Variants in NRXN3 observed in about 807,000 individuals in gnomAD.
NRXN3 encodes the protein neurexin III.
Under a neutral mutation model 137.6 loss-of-function variants are expected in NRXN3, and 32 were observed. That is an observed-to-expected ratio of 0.23 (90% CI 0.18 to 0.31). NRXN3 has a LOEUF of 0.31. NRXN3 is among the 10% of genes least tolerant of loss of function. The pLI, the probability that NRXN3 is intolerant of heterozygous loss-of-function variation, is 1.00. For synonymous variants in NRXN3, 798 were observed against 784.5 expected, an observed-to-expected ratio of 1.02 and a Z score of -0.29; for missense variants, 1,574 against 2,062.5, an observed-to-expected ratio of 0.76 and a Z score of 4.59.
chr14:79,821,399 A>G (rs899455525), intron 20 of NRXN3, among the ~76,000 whole-genome samples: 1 of 152,194 alleles, frequency 6.6e-6, no homozygotes, highest in East Asian at 1.9e-4. Context: ...AGTCATGGGA[A>G]CTCTGAACTG....
chr14:78,294,601 C>A (rs2153522289), intron 3 of NRXN3, among the ~76,000 whole-genome samples: 1 of 149,922 alleles, frequency 6.7e-6, no homozygotes, highest in East Asian at 2.0e-4. Context: ...TATGTGTAGG[C>A]ACAAATTTGT....
chr14:78,192,107 T>TGA (rs3220428), intron 1 of NRXN3, among the ~76,000 whole-genome samples: 1,638 of 140,382 alleles, frequency 0.012, 18 homozygotes, highest in Middle Eastern at 0.018. Flanking sequence ...TGTGTGTGTG[T>TGA]GAGAGAGAGA....
At chr14:78,888,991 G>A (rs1567618463) in intron 10 of NRXN3, among the ~76,000 whole-genome samples, 1 of 151,888 alleles carries the variant, frequency 6.6e-6, no homozygotes, top group African/African-American at 2.4e-5. Flanking sequence ...TATAAGATGG[G>A]AGATATCTTA....
intron 15 of NRXN3, among the ~76,000 whole-genome samples, chr14:79,193,427 A>G (rs1011224429): frequency 1.3e-5 from 2 of 152,242 alleles, no homozygotes; most frequent in Admixed American, 1.3e-4. Flanking sequence ...AACAAACAAG[A>G]TAGTGTCTTG....
chr14:79,728,501 T>A (rs1039514711), intron 19 of NRXN3, among the ~76,000 whole-genome samples: 4 of 152,212 alleles, frequency 2.6e-5, no homozygotes, highest in Non-Finnish European at 5.9e-5. Context: ...CAACCCTTTA[T>A]GCAAGCAGTG....
chr14:78,913,274 CTTTT>C (rs1157942892), intron 10 of NRXN3, among the ~76,000 whole-genome samples: 8 of 47,852 alleles, frequency 1.7e-4, no homozygotes, highest in African/African-American at 4.0e-4. Context: ...TTCTTTCTTT[CTTTT>C]TTTTTTTTTT....
At chr14:78,466,301 C>T (rs1599027699) in intron 4 of NRXN3, among the ~76,000 whole-genome samples, 1 of 152,202 alleles carries the variant, frequency 6.6e-6, no homozygotes, top group East Asian at 1.9e-4. Context: ...TTAAGAAGTT[C>T]TCATAATGTA....
At chr14:78,226,741 TA>T (rs982879599) in intron 1 of NRXN3, among the ~76,000 whole-genome samples, 1 of 151,670 alleles carries the variant, frequency 6.6e-6, no homozygotes, top group Non-Finnish European at 1.5e-5. Context: ...ACTTTTTAAT[TA>T]AAAAAAAACT....
chr14:79,751,933 T>C (rs1171459708), intron 19 of NRXN3, among the ~76,000 whole-genome samples: 6 of 152,134 alleles, frequency 3.9e-5, no homozygotes, highest in Admixed American at 3.9e-4. Context: ...CACTCGATCA[T>C]GGTGGATAAG....
At chr14:79,004,138 G>T (rs555613981) in intron 15 of NRXN3, among the ~76,000 whole-genome samples, 1 of 152,296 alleles carries the variant, frequency 6.6e-6, no homozygotes, top group East Asian at 1.9e-4. Flanking sequence ...TAAACTGATT[G>T]CCAAGGGTCC....
intron 16 of NRXN3, among the ~76,000 whole-genome samples, chr14:79,658,912 G>A (rs142166697): frequency 7.0e-4 from 107 of 152,234 alleles, no homozygotes; most frequent in Non-Finnish European, 1.3e-3. Context: ...GATGCATTCC[G>A]TCTTCCCCAG....
intron 6 of NRXN3, among the ~76,000 whole-genome samples, chr14:78,694,179 A>C (rs1336533630): frequency 6.6e-6 from 1 of 151,988 alleles, no homozygotes; most frequent in African/African-American, 2.4e-5. Context: ...TTTATCATGC[A>C]AATTGCTCAT....
chr14:78,574,118 A>G (rs2096914435), intron 4 of NRXN3, among the ~76,000 whole-genome samples: 1 of 152,216 alleles, frequency 6.6e-6, no homozygotes, highest in Admixed American at 6.5e-5. Flanking sequence ...GGGTGCACAG[A>G]AGTCAAGAAT....
intron 15 of NRXN3, among the ~76,000 whole-genome samples, chr14:79,191,851 G>A (rs1047214368): frequency 5.9e-5 from 9 of 151,972 alleles, no homozygotes; most frequent in Non-Finnish European, 1.2e-4. Context: ...TTCCACTGGC[G>A]ATGAGTAAGC....
chr14:79,416,846 C>T (rs1040417553), intron 15 of NRXN3, among the ~76,000 whole-genome samples: 5 of 152,064 alleles, frequency 3.3e-5, no homozygotes, highest in Non-Finnish European at 5.9e-5. Context: ...CCTTGGTTGG[C>T]AATTGAATGG....
intron 6 of NRXN3, among the ~76,000 whole-genome samples, chr14:78,700,793 TTTC>T (rs2098270680): frequency 6.6e-6 from 1 of 152,132 alleles, no homozygotes; most frequent in Non-Finnish European, 1.5e-5. Flanking sequence ...TCTTTCTTTC[TTTC>T]TTTTTTTTTG....
In NRXN3 at chr14:79,060,387, C is replaced by T. The variant is rs527724023; in HGVS notation, c.3262+72246C>T. ...GTGTCTTCTATACTTATATCTGCAG[C>T]TTAGCACAGTTCCTGCCCTATGGTA... On this transcript the variant is annotated intron_variant, in intron 15 of 20. Coordinates refer to ENST00000335750, the MANE Select transcript of NRXN3 (RefSeq NM_001330195.2). 4.6e-5 allele frequency among the ~76,000 whole-genome samples: 7 copies of T among 152,318 alleles called. No individual in the cohort carries two copies. In the South Asian group the frequency reaches 1.4e-3, roughly 32 times the overall value.
chr14:79,661,185 G>A (rs916996936), intron 16 of NRXN3, among the ~76,000 whole-genome samples: 2 of 152,112 alleles, frequency 1.3e-5, no homozygotes, highest in African/African-American at 2.4e-5. Flanking sequence ...GTAGATAGCG[G>A]TTTCAACAAA....
chr14:78,639,320 A>G (rs1283703631), intron 4 of NRXN3, among the ~76,000 whole-genome samples: 2 of 152,336 alleles, frequency 1.3e-5, no homozygotes, highest in East Asian at 3.9e-4. Context: ...TACAATGAGA[A>G]CAATTTCGCT....
Sources: gnomAD v4.1 joint callset for allele counts (sites outside exome capture counted in the v4.1 genomes callset) on GRCh38, gnomAD v4.1.1 for gene constraint, MANE v1.5 for transcripts, NCBI Gene and HGNC (gene_info 2026-07-23, HGNC 2026-07-21) for gene names.